The following CEP350 variants were observed in gnomAD, a reference collection of about 807,000 sequenced individuals.
CEP350 encodes centrosome-associated protein 350.
A neutral mutation model predicts 331.8 loss-of-function variants in CEP350; 126 were observed. That is an observed-to-expected ratio of 0.38 (90% CI 0.33 to 0.44). The LOEUF is 0.44. Ranked by LOEUF, CEP350 falls within the 20% of genes least tolerant of loss-of-function variation. CEP350 has a pLI of 1.00. For synonymous variants in CEP350, 1,200 were observed against 1,259.5 expected, an observed-to-expected ratio of 0.95 and a Z score of 1.00; for missense variants, 3,406 against 3,634.6, an observed-to-expected ratio of 0.94 and a Z score of 1.62.
At chr1:180,108,316 G>A (rs577206911) in intron 37 of CEP350, among the ~76,000 whole-genome samples, 1 of 152,204 alleles carries the variant, frequency 6.6e-6, no homozygotes, top group South Asian at 2.1e-4. Context: ...GGAGGAAATT[G>A]CTCAAAGAAC....
intron 8 of CEP350, among the ~76,000 whole-genome samples, chr1:180,007,117 A>G (rs1184011994): frequency 6.6e-6 from 1 of 152,188 alleles, no homozygotes; most frequent in Non-Finnish European, 1.5e-5. Flanking sequence ...TCCTTTGGGT[A>G]TATACCCAAT....
chr1:180,076,301 C>G (rs949945601), intron 28 of CEP350, among the ~76,000 whole-genome samples: 5 of 152,136 alleles, frequency 3.3e-5, no homozygotes, highest in African/African-American at 9.7e-5. Context: ...AGGACAGTAT[C>G]AGAAAAGGAA....
Position 180,022,868 on chromosome 1 carries a change from T to C in CEP350, c.3386+20T>C, listed in dbSNP as rs1340400381. On this transcript the variant is annotated intron_variant, in intron 13 of 37. Coordinates refer to ENST00000367607, the MANE Select transcript of CEP350 (RefSeq NM_014810.5). ...ACCTCAGTAAGATATATTGGCAATA[T>C]GGAATAAACTCTGAAGAGTGAGAAA... 3.2e-6 allele frequency: 5 copies of C among 1,559,642 alleles called. No homozygotes were observed. The highest frequency in any genetic ancestry group is 2.6e-6 in the Non-Finnish European group (3 of 1,150,826).
intron 1 of CEP350, among the ~76,000 whole-genome samples, chr1:179,981,117 C>CTT (rs1223907852): frequency 6.6e-6 from 1 of 151,996 alleles, no homozygotes; most frequent in Non-Finnish European, 1.5e-5. Context: ...TAACCATGAA[C>CTT]TTTTATATAC....
At chr1:180,048,834 T>C in intron 22 of CEP350, 129 bp downstream of exon 22, 1 of 712,960 alleles carries the variant, frequency 1.4e-6, no homozygotes, top group Non-Finnish European at 2.3e-6. Flanking sequence ...TTTGGGAGGC[T>C]GAGCTGGGAG....
At chr1:180,055,859 T>A (rs188140637) in intron 25 of CEP350, among the ~76,000 whole-genome samples, 73 of 152,200 alleles carry the variant, frequency 4.8e-4, no homozygotes, top group South Asian at 3.3e-3. Flanking sequence ...TTCTATTTTT[T>A]AAAAAATAAG....
intron 12 of CEP350, among the ~76,000 whole-genome samples, chr1:180,022,120 G>C (rs1655362443): frequency 6.6e-6 from 1 of 152,040 alleles, no homozygotes; most frequent in South Asian, 2.1e-4. Context: ...ATTTCTTAAT[G>C]GTCTTGTATA....
chr1:180,095,457 T>G, intron 34 of CEP350, 66 bp from the exon 35 acceptor site: 1 of 1,521,690 alleles, frequency 6.6e-7, no homozygotes, highest in Non-Finnish European at 8.8e-7. Context: ...TACTCTGTCT[T>G]TTTTTAAAAA....
intron 1 of CEP350, among the ~76,000 whole-genome samples, chr1:179,974,069 GTGTT>G (rs913353466): frequency 7.2e-4 from 102 of 142,454 alleles, no homozygotes; most frequent in Non-Finnish European, 1.2e-3. Flanking sequence ...GTTGTTGCTG[GTGTT>G]TGTTTGTTTG....
chr1:180,040,585 G>GC (rs1458544963), intron 17 of CEP350, among the ~76,000 whole-genome samples: 1 of 151,508 alleles, frequency 6.6e-6, no homozygotes, highest in African/African-American at 2.4e-5. Flanking sequence ...ATTGTGCCCA[G>GC]CCCTTACCAC....
In CEP350 at chr1:180,096,103, A is replaced by C. The variant is rs148604954; in HGVS notation, c.8985A>C (p.Gln2995His). 11 of 1,559,570 alleles carry C rather than the reference A, an allele frequency of 7.1e-6. No homozygotes were observed. The South Asian group carries it at 1.1e-4, about 15-fold the overall frequency. Residue 2995 changes from glutamine (Q) to histidine (H), a missense_variant, in exon 36 of 38, where the codon CAA becomes CAC. Physicochemically the swap from Gln to His is conservative, Grantham distance 24. This residue lies in a region of CEP350 where 1,415 missense variants were observed against 1,512.3 expected (regional missense o/e 0.94). Coordinates refer to ENST00000367607, the MANE Select transcript of CEP350 (RefSeq NM_014810.5). ...TTGCTGAGGATCCCAACTTAAATCA[A>C]CCTGTCTGGATGAAGCCATGTAGAA... The part of the protein sequence containing the change: ...EIFAEDPNLN[Q>H]PVWMKPCRIN...
rs757026998 is a variant in CEP350, at chr1:180,095,477, T to C, written c.8512-46T>C. ...TGTCTTTTTTTAAAAAAAAATGATA[T>C]GAGGTCCCTAAATGGTGCTCTGTTT... is the stretch of plus-strand genomic sequence containing the variant. On this transcript the variant is annotated intron_variant, in intron 34 of 37. Coordinates refer to ENST00000367607, the MANE Select transcript of CEP350 (RefSeq NM_014810.5). 6.5e-6 allele frequency: 10 copies of C among 1,541,108 alleles called. No homozygotes were observed. In the African/African-American group the frequency reaches 1.1e-4, roughly 17 times the overall value.
In CEP350 at chr1:180,113,728, A is replaced by G. The variant is rs1486841447; in HGVS notation, c.*2567A>G. The G allele has an allele frequency of 6.6e-6, 1 of 152,254 alleles. No homozygotes were observed. Among genetic ancestry groups the G allele is most frequent in the Non-Finnish European group, 1.5e-5 (1 of 68,014 alleles). The allele number at this position is 152,254 out of a possible 1,614,324, so 9.4% of individuals were successfully genotyped here. On this transcript the variant is annotated 3_prime_UTR_variant, in exon 38 of 38. Coordinates refer to ENST00000367607, the MANE Select transcript of CEP350 (RefSeq NM_014810.5). Reference sequence around the variant, plus strand: ...TTAAATCAGCTCTGCCTCTTAATCAAGAACCTAAATATTCCCTCTTTCTAA... The same window carrying G: ...TTAAATCAGCTCTGCCTCTTAATCAGGAACCTAAATATTCCCTCTTTCTAA...
At chr1:179,991,380 G>A (rs1436527336) in intron 4 of CEP350, among the ~76,000 whole-genome samples, 1 of 136,882 alleles carries the variant, frequency 7.3e-6, no homozygotes, top group African/African-American at 2.7e-5. Flanking sequence ...GCAGTGGCAT[G>A]ATCTCTACTC....
rs780956960 is a variant in CEP350, at chr1:180,013,842, T to C, written c.1394-5T>C. 3.3e-5 allele frequency: 52 copies of C among 1,599,166 alleles called. No individual in the cohort carries two copies. Among genetic ancestry groups the C allele is most frequent in the Non-Finnish European group, 3.7e-5 (43 of 1,173,640 alleles). ...GGTATATCACTAACAGTTCATACTT[T>C]GCAGGGGGTCACATTGGAAGAGCAG... On this transcript the variant is annotated splice_polypyrimidine_tract_variant and splice_region_variant and intron_variant, in intron 9 of 37. Transcript: ENST00000367607.
Position 180,094,429 on chromosome 1 carries a change from AAAC to A in CEP350, c.8325_8327del (p.Lys2775_Thr2776delinsAsn). ...GTCAATCAACTACAACAAATCAAAA[AAAC>A]CAGGGATGAGAAAATCCAGCTTAGC... On this transcript the variant is annotated inframe_deletion, in exon 34 of 38. Transcript: ENST00000367607. The A allele has an allele frequency of 6.2e-7, 1 of 1,613,830 alleles. No individual in the cohort carries two copies. The highest frequency in any genetic ancestry group is 8.5e-7 in the Non-Finnish European group (1 of 1,179,810).
At chr1:180,011,643 T>C (rs1341868067) in intron 8 of CEP350, among the ~76,000 whole-genome samples, 3 of 152,164 alleles carry the variant, frequency 2.0e-5, no homozygotes, top group Admixed American at 2.0e-4. Flanking sequence ...GGTTTTGCCA[T>C]GTTGGCCAGG....
intron 29 of CEP350, among the ~76,000 whole-genome samples, chr1:180,079,234 T>A (rs1571968022): frequency 6.6e-6 from 1 of 151,402 alleles, no homozygotes; most frequent in African/African-American, 2.4e-5. Context: ...TTTTTTTTTT[T>A]AATATAGCAA....
intron 1 of CEP350, among the ~76,000 whole-genome samples, chr1:179,965,615 C>CTTTTTTTTTTTTTT (rs747027286): frequency 9.5e-5 from 8 of 84,420 alleles, no homozygotes; most frequent in Non-Finnish European, 1.1e-4. Context: ...TTTTTCTTTT[C>CTTTTTTTTTTTTTT]TTTTTTTTTT....
Sources: gnomAD v4.1 joint callset for allele counts (sites outside exome capture counted in the v4.1 genomes callset) on GRCh38, gnomAD v4.1.1 for gene constraint, gnomAD v4.1.1 regional missense constraint, MANE v1.5 for transcripts, NCBI Gene and HGNC (gene_info 2026-07-23, HGNC 2026-07-21) for gene names.